The following ZDHHC20 variants were observed in gnomAD, a reference collection of about 807,000 sequenced individuals.
ZDHHC20 encodes the protein palmitoyltransferase ZDHHC20.
In ZDHHC20, 43 loss-of-function variants were observed where a neutral mutation model predicts 57.8. The ratio of observed to expected loss-of-function variants is 0.74; its 90% CI spans 0.58 to 0.96. ZDHHC20 has a LOEUF of 0.96. Ranked by LOEUF, ZDHHC20 falls within the 40% of genes least tolerant of loss-of-function variation. ZDHHC20 has a pLI of 0.00. For missense variants in ZDHHC20, 391 were observed against 441.1 expected (o/e 0.89, Z 1.02); for synonymous variants, 157 against 153.0 (o/e 1.03, Z -0.19).
At chr13:21,400,529 G>A in intron 6 of ZDHHC20, 36 bp from the exon 7 acceptor site, 2 of 1,523,054 alleles carry the variant, frequency 1.3e-6, no homozygotes, top group Non-Finnish European at 1.8e-6. Context: ...ATAAAAGTAA[G>A]ACAAATCACA....
intron 9 of ZDHHC20, among the ~76,000 whole-genome samples, chr13:21,384,365 G>A (rs9509674): frequency 0.17 from 25,623 of 151,030 alleles, 2,694 homozygotes; most frequent in Non-Finnish European, 0.25. Context: ...GCTTGAACCC[G>A]GGAGGCGGAG....
chr13:21,417,474 T>C (rs12430474), intron 3 of ZDHHC20, among the ~76,000 whole-genome samples: 5 of 152,142 alleles, frequency 3.3e-5, no homozygotes, highest in Admixed American at 3.3e-4. Flanking sequence ...AGTTTCACTC[T>C]TGTTGCCCAG....
chr13:21,382,503 C>T (rs1873602793), intron 10 of ZDHHC20, among the ~76,000 whole-genome samples: 1 of 151,982 alleles, frequency 6.6e-6, no homozygotes, highest in Non-Finnish European at 1.5e-5. Flanking sequence ...TTTTTGAATC[C>T]TCATTATTTT....
At chr13:21,388,112 G>A (rs1874909992) in intron 8 of ZDHHC20, among the ~76,000 whole-genome samples, 2 of 152,208 alleles carry the variant, frequency 1.3e-5, no homozygotes, top group African/African-American at 4.8e-5. Flanking sequence ...GGAGCACAGA[G>A]GTGAAGGAAG....
At chr13:21,437,537 A>C (rs1882679684) in intron 1 of ZDHHC20, among the ~76,000 whole-genome samples, 1 of 152,208 alleles carries the variant, frequency 6.6e-6, no homozygotes, top group East Asian at 1.9e-4. Flanking sequence ...CTCAGGAGCC[A>C]ATGTAGCTGG....
At chr13:21,432,399 G>A (rs1050820525) in intron 1 of ZDHHC20, among the ~76,000 whole-genome samples, 7 of 150,900 alleles carry the variant, frequency 4.6e-5, no homozygotes, top group African/African-American at 1.7e-4. Flanking sequence ...GCGTGATCTC[G>A]GCTCACTACA....
intron 3 of ZDHHC20, among the ~76,000 whole-genome samples, chr13:21,420,630 T>C (rs149126664): frequency 6.6e-6 from 1 of 152,364 alleles, no homozygotes; most frequent in Non-Finnish European, 1.5e-5. Context: ...ACACTAGTCA[T>C]ATTAAAGTGC....
At chr13:21,414,362 T>C (rs961680982) in intron 3 of ZDHHC20, among the ~76,000 whole-genome samples, 1 of 151,228 alleles carries the variant, frequency 6.6e-6, no homozygotes, top group African/African-American at 2.4e-5. Context: ...ATAGACCTTT[T>C]TTTTTTCTTT....
intron 1 of ZDHHC20, among the ~76,000 whole-genome samples, chr13:21,449,641 A>G (rs935450220): frequency 5.9e-5 from 9 of 151,286 alleles, no homozygotes; most frequent in East Asian, 3.9e-4. Flanking sequence ...TATTATTATT[A>G]TTATACTTTT....
intron 6 of ZDHHC20, among the ~76,000 whole-genome samples, chr13:21,400,765 C>T (rs1306569143): frequency 6.6e-6 from 1 of 151,828 alleles, no homozygotes; most frequent in Non-Finnish European, 1.5e-5. Context: ...GGCTGGAGTG[C>T]AGTGGCACAA....
rs753725771 is a variant in ZDHHC20 at position 21,372,680 on chromosome 13, A to ACAAAG, written c.*4011_*4015dup. 1 of 152,344 alleles carries ACAAAG rather than the reference A, an allele frequency of 6.6e-6. No homozygotes were observed. Among genetic ancestry groups the ACAAAG allele is most frequent in the South Asian group, 2.1e-4 (1 of 4,834 alleles). 9.4% of individuals were successfully genotyped at this position (152,344 alleles called of 1,614,324 possible). ...CAATGTAGGTTAGGCCAGCCAAAAGACAAAGCAAAGCATCAACATTAAGTC... is the reference window on the plus strand; with the variant it reads ...CAATGTAGGTTAGGCCAGCCAAAAGACAAAGCAAAGCAAAGCATCAACATTAAGTC... On this transcript the variant is annotated 3_prime_UTR_variant, in exon 13 of 13. Coordinates refer to ENST00000400590, the MANE Select transcript of ZDHHC20 (RefSeq NM_001330059.2).
chr13:21,384,863 G>A (rs1271534212), intron 9 of ZDHHC20, among the ~76,000 whole-genome samples: 9 of 152,062 alleles, frequency 5.9e-5, no homozygotes, highest in Non-Finnish European at 1.0e-4. Context: ...CCCTTCGGGA[G>A]GCCAATCTAC....
chr13:21,454,422 G>A (rs978976150), intron 1 of ZDHHC20, among the ~76,000 whole-genome samples: 1 of 152,124 alleles, frequency 6.6e-6, no homozygotes, highest in African/African-American at 2.4e-5. Flanking sequence ...ACTGTGCCCA[G>A]CCCAAGAAAA....
chr13:21,447,058 C>T (rs1883781645), intron 1 of ZDHHC20, among the ~76,000 whole-genome samples: 1 of 151,916 alleles, frequency 6.6e-6, no homozygotes, highest in African/African-American at 2.4e-5. Context: ...TGACTGCTTC[C>T]TGGAGAATAC....
At chr13:21,417,785 T>G (rs574706431) in intron 3 of ZDHHC20, among the ~76,000 whole-genome samples, 89 of 152,264 alleles carry the variant, frequency 5.8e-4, no homozygotes, top group African/African-American at 2.1e-3. Context: ...GACCTAGATC[T>G]CCAAGCATTG....
Position 21,373,647 on chromosome 13 carries a change from C to G in ZDHHC20, c.*3049G>C, listed in dbSNP as rs926816702. 2 of 152,198 alleles carry G rather than the reference C, an allele frequency of 1.3e-5. No individual in the cohort carries two copies. Among genetic ancestry groups the G allele is most frequent in the African/African-American group, 4.8e-5 (2 of 41,452 alleles). 9.4% of individuals were successfully genotyped at this position (152,198 alleles called of 1,614,324 possible). A position where few individuals can be genotyped will look rare whatever the true frequency, so the allele number is the denominator to read the frequency against. ...TTTGTCTGTAATGGCAATGGCAAGA[C>G]CTGAACTTCAACTTTATTTTTCTTA... On this transcript the variant is annotated 3_prime_UTR_variant, in exon 13 of 13. Coordinates refer to ENST00000400590, the MANE Select transcript of ZDHHC20 (RefSeq NM_001330059.2).
intron 1 of ZDHHC20, among the ~76,000 whole-genome samples, chr13:21,444,034 T>C (rs1404843576): frequency 1.3e-5 from 2 of 152,138 alleles, no homozygotes; most frequent in Non-Finnish European, 2.9e-5. Flanking sequence ...CGTGTGCCTA[T>C]AGTCCCAGCT....
intron 11 of ZDHHC20, 22 bp from the exon 12 acceptor site, chr13:21,378,760 T>C (rs747494482): frequency 3.3e-6 from 4 of 1,196,444 alleles, no homozygotes; most frequent in South Asian, 4.4e-5. Flanking sequence ...TAATTATATA[T>C]GACATGACAA....
At chr13:21,436,768 CT>C (rs1035419253) in intron 1 of ZDHHC20, among the ~76,000 whole-genome samples, 3 of 152,172 alleles carry the variant, frequency 2.0e-5, no homozygotes, top group Non-Finnish European at 2.9e-5. Context: ...ACACCTGTCA[CT>C]TTAGATCAAC....
Sources: gnomAD v4.1 joint callset for allele counts (sites outside exome capture counted in the v4.1 genomes callset) on GRCh38, gnomAD v4.1.1 for gene constraint, MANE v1.5 for transcripts, NCBI Gene and HGNC (gene_info 2026-07-23, HGNC 2026-07-21) for gene names.